IL1RAPL2: variants seen among roughly 807,000 people sequenced by gnomAD.
IL1RAPL2 encodes X-linked interleukin-1 receptor accessory protein-like 2.
Under a neutral mutation model 44.1 loss-of-function variants are expected in IL1RAPL2, and 3 were observed. The ratio of observed to expected loss-of-function variants is 0.07; its 90% CI spans 0.03 to 0.18. The LOEUF (loss-of-function observed/expected upper bound fraction) is 0.18, where lower values mean the gene tolerates loss of function less well. Among genes scored for constraint, IL1RAPL2 ranks in the 10% least tolerant of loss-of-function variants. The probability of loss-of-function intolerance (pLI) is 1.00; values close to 1 mark genes in which losing one functional copy is unlikely to be tolerated. For synonymous variants in IL1RAPL2, 181 were observed against 178.8 expected (o/e 1.01, Z -0.10); for missense variants, 391 against 496.4 (o/e 0.79, Z 2.02).
chrX:104,896,990 G>A (rs1923670399), intron 2 of IL1RAPL2, among the ~76,000 whole-genome samples: 1 of 111,367 alleles, frequency 9.0e-6, no homozygotes, highest in Non-Finnish European at 1.9e-5. Flanking sequence ...GGAAGAAACT[G>A]GACACATCTG....
intron 2 of IL1RAPL2, among the ~76,000 whole-genome samples, chrX:104,950,322 G>A (rs374682333): frequency 1.8e-5 from 2 of 112,167 alleles, no homozygotes; most frequent in Admixed American, 1.9e-4. Flanking sequence ...CAGTCTGCCC[G>A]TTCTCAGATC....
intron 2 of IL1RAPL2, among the ~76,000 whole-genome samples, chrX:104,941,303 G>T (rs1322178896): frequency 1.8e-5 from 2 of 111,542 alleles, no homozygotes; most frequent in Non-Finnish European, 3.8e-5. Flanking sequence ...GGTTGAACTA[G>T]TTTACAGTGC....
At chrX:104,896,751 C>T (rs1166417049) in intron 2 of IL1RAPL2, among the ~76,000 whole-genome samples, 1 of 111,408 alleles carries the variant, frequency 9.0e-6, no homozygotes, top group South Asian at 3.8e-4. Context: ...TGTTCTTTTG[C>T]TCTTCACAAT....
intron 1 of IL1RAPL2, among the ~76,000 whole-genome samples, chrX:104,607,786 G>A (rs921767766): frequency 1.8e-5 from 2 of 112,118 alleles, no homozygotes; most frequent in Admixed American, 9.4e-5. Context: ...TGGTGGGAGT[G>A]TAAATTAGTT....
intron 5 of IL1RAPL2, among the ~76,000 whole-genome samples, chrX:105,329,808 T>A (rs1238855347): frequency 9.0e-6 from 1 of 111,696 alleles, no homozygotes; most frequent in African/African-American, 3.2e-5. Flanking sequence ...GAATGTAAAA[T>A]ATTTCACTAA....
At chrX:104,707,563 G>A (rs1931383214) in intron 2 of IL1RAPL2, among the ~76,000 whole-genome samples, 1 of 107,207 alleles carries the variant, frequency 9.3e-6, no homozygotes, top group Non-Finnish European at 2.0e-5. Context: ...TTACTGGGAT[G>A]ATAATTTTAT....
intron 6 of IL1RAPL2, among the ~76,000 whole-genome samples, chrX:105,555,164 G>A (rs1308665180): frequency 9.2e-6 from 1 of 108,610 alleles, no homozygotes; most frequent in Non-Finnish European, 1.9e-5. Context: ...AGTTTCCCAG[G>A]CAGATTTATT....
intron 2 of IL1RAPL2, among the ~76,000 whole-genome samples, chrX:104,841,615 C>T (rs1921903486): frequency 9.0e-6 from 1 of 111,679 alleles, no homozygotes; most frequent in Admixed American, 9.6e-5. Context: ...ATTTGCTTGT[C>T]TGTAAAGGAT....
intron 5 of IL1RAPL2, among the ~76,000 whole-genome samples, chrX:105,447,098 T>TGA (rs2035962729): frequency 3.4e-5 from 2 of 58,168 alleles, no homozygotes; most frequent in African/African-American, 2.2e-4. Flanking sequence ...TATATATATA[T>TGA]ATATATATAA....
intron 2 of IL1RAPL2, among the ~76,000 whole-genome samples, chrX:105,040,252 G>A (rs189339158): frequency 0.016 from 1,758 of 111,481 alleles, 42 homozygotes; most frequent in African/African-American, 0.054. Context: ...TGGTGGATAA[G>A]CTTTTTGATG....
At chrX:104,758,294 C>T (rs1240661739) in intron 2 of IL1RAPL2, among the ~76,000 whole-genome samples, 1 of 111,688 alleles carries the variant, frequency 9.0e-6, no homozygotes, top group East Asian at 2.8e-4. Flanking sequence ...ATAACTTATT[C>T]TTGGCCAATT....
At chrX:105,215,145 A>G (rs916742324) in intron 3 of IL1RAPL2, among the ~76,000 whole-genome samples, 11 of 112,004 alleles carry the variant, frequency 9.8e-5, no homozygotes, top group Non-Finnish European at 1.7e-4. Context: ...GACACAAAAA[A>G]CCCTTCAAAG....
chrX:104,585,279 ATT>A (rs1311840892), intron 1 of IL1RAPL2, among the ~76,000 whole-genome samples: 2 of 20,151 alleles, frequency 9.9e-5, no homozygotes, highest in Non-Finnish European at 1.4e-4. Flanking sequence ...TATTATATAT[ATT>A]ATATAATATA....
At chrX:104,772,437 G>A (rs1932655116) in intron 2 of IL1RAPL2, among the ~76,000 whole-genome samples, 1 of 112,077 alleles carries the variant, frequency 8.9e-6, no homozygotes, top group African/African-American at 3.2e-5. Flanking sequence ...TGATACAGTG[G>A]TTTTAACAAT....
intron 2 of IL1RAPL2, among the ~76,000 whole-genome samples, chrX:104,811,000 G>A (rs998534061): frequency 1.8e-5 from 2 of 111,424 alleles, no homozygotes; most frequent in Non-Finnish European, 3.8e-5. Context: ...TACATTATCT[G>A]CCTGGGCCTT....
At chrX:105,212,257 G>A (rs1238564722) in intron 3 of IL1RAPL2, among the ~76,000 whole-genome samples, 2 of 112,176 alleles carry the variant, frequency 1.8e-5, no homozygotes, top group Non-Finnish European at 3.8e-5. Flanking sequence ...AAGTCAACCT[G>A]GGATGGTCAA....
rs1439921888 is a variant in IL1RAPL2, at chrX:104,587,646, G to C, written c.-20+20595G>C. ...ATAGACATACCACACAGGTAATGCT[G>C]CCAACTCACTTTCAGTGGGACAAAA... On this transcript the variant is annotated intron_variant, in intron 1 of 10. Coordinates refer to ENST00000372582, the MANE Select transcript of IL1RAPL2 (RefSeq NM_017416.2). Among the ~76,000 whole-genome samples the C allele has an allele frequency of 4.5e-5, 5 of 112,279 alleles. No individual in the cohort carries two copies. The East Asian group carries it at 1.4e-3, about 31-fold the overall frequency.
intron 2 of IL1RAPL2, among the ~76,000 whole-genome samples, chrX:104,999,639 A>G (rs1004464091): frequency 1.8e-5 from 2 of 111,689 alleles, no homozygotes; most frequent in African/African-American, 6.5e-5. Flanking sequence ...CCTGCTAAAC[A>G]TGGACTTTTC....
intron 6 of IL1RAPL2, among the ~76,000 whole-genome samples, chrX:105,672,092 G>GT (rs1339301905): frequency 9.0e-6 from 1 of 111,233 alleles, no homozygotes; most frequent in Non-Finnish European, 1.9e-5. Context: ...GTTTGCTGGA[G>GT]TTTTTTTATT....
Sources: allele counts gnomAD v4.1 joint callset (sites outside exome capture counted in the v4.1 genomes callset), GRCh38; gene constraint gnomAD v4.1.1; transcripts MANE v1.5; gene names NCBI Gene and HGNC (gene_info 2026-07-23, HGNC 2026-07-21).